The following AUTS2 variants were observed in gnomAD, a reference collection of about 807,000 sequenced individuals.
The protein encoded by AUTS2 is autism susceptibility gene 2 protein.
In AUTS2, 17 loss-of-function variants were observed where a neutral mutation model predicts 112.4. That is an observed-to-expected ratio of 0.15 (90% CI 0.10 to 0.23). The LOEUF is 0.23. AUTS2 is among the 10% of genes least tolerant of loss of function. AUTS2 has a pLI of 1.00. For missense variants in AUTS2, 1,510 were observed against 1,701.6 expected (o/e 0.89, Z 1.98); for synonymous variants, 751 against 702.7 (o/e 1.07, Z -1.09).
intron 8 of AUTS2, among the ~76,000 whole-genome samples, chr7:70,765,633 T>G (rs1044142832): frequency 6.6e-6 from 1 of 152,210 alleles, no homozygotes; most frequent in East Asian, 1.9e-4. Context: ...GAAGAGGACA[T>G]GCGAGCCCTG....
intron 5 of AUTS2, among the ~76,000 whole-genome samples, chr7:70,634,218 C>T (rs1191791428): frequency 1.3e-5 from 2 of 152,028 alleles, no homozygotes; most frequent in Non-Finnish European, 1.5e-5. Context: ...TGGGAAGGCG[C>T]CATTTGAAAT....
intron 2 of AUTS2, among the ~76,000 whole-genome samples, chr7:69,902,639 G>A (rs1217494405): frequency 2.6e-5 from 4 of 152,128 alleles, no homozygotes; most frequent in South Asian, 4.2e-4. Context: ...GAAAGAATAG[G>A]ATTTTTTTTT....
intron 4 of AUTS2, among the ~76,000 whole-genome samples, chr7:70,398,178 C>G (rs928958270): frequency 6.6e-6 from 1 of 152,132 alleles, no homozygotes; most frequent in African/African-American, 2.4e-5. Context: ...ATGCCAATAC[C>G]ACATCATTTG....
chr7:69,859,745 T>C (rs754555035), intron 1 of AUTS2, among the ~76,000 whole-genome samples: 12 of 152,208 alleles, frequency 7.9e-5, no homozygotes, highest in Non-Finnish European at 1.3e-4. Flanking sequence ...ATAGATGCTC[T>C]AGTTGCTCTG....
At chr7:70,170,595 CT>C (rs398005103) in intron 4 of AUTS2, among the ~76,000 whole-genome samples, 1,385 of 126,958 alleles carry the variant, frequency 0.011, 18 homozygotes, top group African/African-American at 0.032. Context: ...GACACGTTAT[CT>C]TTTTTTTTTT....
chr7:69,908,603 C>G (rs1412482557), intron 2 of AUTS2, among the ~76,000 whole-genome samples: 2 of 152,206 alleles, frequency 1.3e-5, no homozygotes, highest in Non-Finnish European at 2.9e-5. Context: ...TACCTGCATT[C>G]ATTGATCACA....
At chr7:70,181,511 GA>G (rs1233484334) in intron 4 of AUTS2, among the ~76,000 whole-genome samples, 2 of 150,008 alleles carry the variant, frequency 1.3e-5, no homozygotes, top group African/African-American at 4.9e-5. Flanking sequence ...TTTTGAGATG[GA>G]GTTTTGCTCT....
intron 6 of AUTS2, among the ~76,000 whole-genome samples, chr7:70,713,982 A>G (rs1284475213): frequency 1.3e-5 from 2 of 151,954 alleles, no homozygotes; most frequent in Admixed American, 1.3e-4. Flanking sequence ...CAGAACTTGC[A>G]TTTCAAGTAA....
At chr7:70,262,038 G>T (rs993243918) in intron 4 of AUTS2, among the ~76,000 whole-genome samples, 16 of 152,174 alleles carry the variant, frequency 1.1e-4, no homozygotes, top group African/African-American at 3.6e-4. Flanking sequence ...TTAAGATGTA[G>T]TAATTTGATT....
chr7:70,612,409 G>A (rs112003697), intron 5 of AUTS2, among the ~76,000 whole-genome samples: 49 of 152,244 alleles, frequency 3.2e-4, no homozygotes, highest in African/African-American at 1.1e-3. Context: ...AAGAGGCAGA[G>A]TCAACCTTTT....
chr7:70,263,567 G>A (rs1787268004), intron 4 of AUTS2, among the ~76,000 whole-genome samples: 1 of 152,100 alleles, frequency 6.6e-6, no homozygotes, highest in Non-Finnish European at 1.5e-5. Context: ...GAAGCTCAAA[G>A]CATTAGTGGT....
intron 3 of AUTS2, among the ~76,000 whole-genome samples, chr7:70,120,950 T>C (rs1805649544): frequency 6.6e-6 from 1 of 152,178 alleles, no homozygotes; most frequent in Non-Finnish European, 1.5e-5. Context: ...CAAAACTCAC[T>C]GCAAAGCTAC....
chr7:70,243,993 G>C (rs1812769919), intron 4 of AUTS2, among the ~76,000 whole-genome samples: 1 of 151,830 alleles, frequency 6.6e-6, no homozygotes, highest in African/African-American at 2.4e-5. Context: ...GTAATAGTAA[G>C]AGTATGGGAG....
Position 70,320,381 on chromosome 7 carries a change from C to T in AUTS2, c.661-115371C>T, listed in dbSNP as rs114583638. ...TTCACATTTGGGATAGAAGATTCTA[C>T]AAAAGTAAAATTCACAATCTTTGTA... On this transcript the variant is annotated intron_variant, in intron 4 of 18. Transcript: ENST00000342771. 8.8e-3 allele frequency among the ~76,000 whole-genome samples: 1,336 copies of T among 152,260 alleles called. 23 individuals are homozygous for T. The highest frequency in any genetic ancestry group is 0.031 in the African/African-American group (1,273 of 41,540).
intron 4 of AUTS2, among the ~76,000 whole-genome samples, chr7:70,248,246 C>T (rs1470049104): frequency 1.3e-5 from 2 of 151,988 alleles, no homozygotes; most frequent in Admixed American, 1.3e-4. Context: ...GTAGCTGGGA[C>T]TACAGGCACC....
Position 70,605,546 on chromosome 7 carries a change from CTTTTT to C in AUTS2, c.691-93007_691-93003del. ...TTTCTTTCTTTCTTTCCTTCTTTCT[CTTTTT>C]TTTTTTTTTTTTTTTGGTCTTTTCT... On this transcript the variant is annotated intron_variant, in intron 5 of 18. Transcript: ENST00000342771. 9.9e-5 allele frequency among the ~76,000 whole-genome samples: 7 copies of C among 70,664 alleles called. No individual in the cohort carries two copies. In the East Asian group the frequency reaches 1.4e-3, roughly 14 times the overall value. The allele number at this position is 70,664 out of a possible 152,430, so 46.4% of individuals were successfully genotyped here. A position where few individuals can be genotyped will look rare whatever the true frequency, so the allele number is the denominator to read the frequency against.
chr7:69,973,760 A>T (rs963818497), intron 2 of AUTS2, among the ~76,000 whole-genome samples: 1 of 152,126 alleles, frequency 6.6e-6, no homozygotes, highest in Admixed American at 6.6e-5. Flanking sequence ...ATATTGAACC[A>T]TTCTTGCAAG....
intron 5 of AUTS2, among the ~76,000 whole-genome samples, chr7:70,452,357 G>A (rs1487715764): frequency 2.4e-4 from 37 of 152,168 alleles, no homozygotes; most frequent in Admixed American, 2.3e-3. Flanking sequence ...TAATTGGGAG[G>A]CTGAGGGAGG....
chr7:70,169,968 G>A (rs2129578589), intron 4 of AUTS2, among the ~76,000 whole-genome samples: 1 of 151,908 alleles, frequency 6.6e-6, no homozygotes, highest in South Asian at 2.1e-4. Context: ...TCCCTAAATA[G>A]CCTCAAGATC....
Sources: allele counts gnomAD v4.1 joint callset (sites outside exome capture counted in the v4.1 genomes callset), GRCh38; gene constraint gnomAD v4.1.1; transcripts MANE v1.5; gene names NCBI Gene and HGNC (gene_info 2026-07-23, HGNC 2026-07-21).